The following TPO variants were observed in gnomAD, a reference collection of about 807,000 sequenced individuals.
The protein encoded by TPO is thyroid microsomal antigen.
In TPO, 78 loss-of-function variants were observed where a neutral mutation model predicts 96.9. The observed-to-expected ratio is 0.81, with a 90% CI of 0.67 to 0.97. The LOEUF (loss-of-function observed/expected upper bound fraction) is 0.97. Ranked by LOEUF, TPO falls within the 50% of genes least tolerant of loss-of-function variation. The probability of loss-of-function intolerance (pLI) is 0.00; values close to 1 mark genes in which losing one functional copy is unlikely to be tolerated. For synonymous variants in TPO, 547 were observed against 538.0 expected (o/e 1.02, Z -0.23); for missense variants, 1,252 against 1,274.8 (o/e 0.98, Z 0.27).
At chr2:1,477,840 C>T in intron 8 of TPO, 1 of 985,432 alleles carries the variant, frequency 1.0e-6, no homozygotes, top group Non-Finnish European at 1.2e-6. Context: ...AAGGGTAACT[C>T]CGGAGCTGGC....
chr2:1,445,346 GGC>G (rs1666681385), intron 5 of TPO, among the ~76,000 whole-genome samples: 1 of 86,372 alleles, frequency 1.2e-5, no homozygotes, highest in Non-Finnish European at 2.4e-5. Flanking sequence ...TGCTGCAGGA[GGC>G]ACTGTGTTGG....
chr2:1,404,144 C>A (rs564169098), intron 1 of TPO, among the ~76,000 whole-genome samples: 1 of 152,194 alleles, frequency 6.6e-6, no homozygotes, highest in Non-Finnish European at 1.5e-5. Flanking sequence ...AGTGGAGGGG[C>A]TAAGAGACAC....
chr2:1,512,191 G>A (rs963090918), intron 14 of TPO, among the ~76,000 whole-genome samples: 2 of 152,040 alleles, frequency 1.3e-5, no homozygotes, highest in African/African-American at 2.4e-5. Flanking sequence ...CCGCCACCAC[G>A]CCCGGCTAAT....
intron 12 of TPO, among the ~76,000 whole-genome samples, 182 bp from the exon 13 acceptor site, chr2:1,496,413 C>T (rs534411462): frequency 2.0e-5 from 3 of 152,262 alleles, no homozygotes; most frequent in Admixed American, 6.5e-5. Flanking sequence ...AGGGAGCCCG[C>T]GGGGCCCGAT....
intron 13 of TPO, among the ~76,000 whole-genome samples, chr2:1,500,791 C>T (rs1212128489): frequency 3.3e-5 from 5 of 151,816 alleles, no homozygotes; most frequent in African/African-American, 1.2e-4. Flanking sequence ...ATGGTGAAAC[C>T]CCGTCTCTAC....
intron 14 of TPO, among the ~76,000 whole-genome samples, chr2:1,514,107 G>C (rs1674440624): frequency 6.6e-6 from 1 of 152,174 alleles, no homozygotes; most frequent in African/African-American, 2.4e-5. Context: ...TGGAGCCCCA[G>C]GGGAGCTGGC....
chr2:1,518,972 G>A (rs1674976519), intron 15 of TPO, among the ~76,000 whole-genome samples: 2 of 152,178 alleles, frequency 1.3e-5, no homozygotes, highest in African/African-American at 4.8e-5. Flanking sequence ...AGTATAGCTG[G>A]TGTTCCTCTA....
In TPO at chr2:1,478,962, G is replaced by A. The variant is rs72776235; in HGVS notation, c.1338+1358G>A. Among the ~76,000 whole-genome samples the A allele has an allele frequency of 5.2e-3, 789 of 152,334 alleles. 4 individuals are homozygous for A. The highest frequency in any genetic ancestry group is 0.01 in the Middle Eastern group (3 of 294). On this transcript the variant is annotated intron_variant, in intron 8 of 16. Transcript: ENST00000329066. ...ACATCCACACAGTAGCGCTTGGTGG[G>A]GAGCATCAGCCGGACGGAGGAGGCT... is the stretch of plus-strand genomic sequence containing the variant.
At chr2:1,447,186 C>A (rs909694474) in intron 5 of TPO, among the ~76,000 whole-genome samples, 1 of 152,192 alleles carries the variant, frequency 6.6e-6, no homozygotes, top group Non-Finnish European at 1.5e-5. Flanking sequence ...CTAGAACAGA[C>A]TTCTTAACTC....
chr2:1,479,792 C>CT (rs60629249), intron 8 of TPO, among the ~76,000 whole-genome samples: 51,069 of 150,224 alleles, frequency 0.34, 8,647 homozygotes, highest in Admixed American at 0.36. Flanking sequence ...CCTTCTTCTT[C>CT]TTTTTTTTTG....
At chr2:1,493,209 T>TGGGGGGGGGGG (rs3036079) in intron 10 of TPO, among the ~76,000 whole-genome samples, 1 of 17,532 alleles carries the variant, frequency 5.7e-5, no homozygotes, top group Non-Finnish European at 1.4e-4. Context: ...TGTGAGTGGG[T>TGGGGGGGGGGG]GGGGGGGGGG....
At chr2:1,404,988 G>A (rs902971041) in intron 1 of TPO, among the ~76,000 whole-genome samples, 1 of 151,356 alleles carries the variant, frequency 6.6e-6, no homozygotes, top group Non-Finnish European at 1.5e-5. Context: ...TTTATCCATC[G>A]ACCCATTCAC....
intron 10 of TPO, among the ~76,000 whole-genome samples, chr2:1,489,222 C>T (rs1671476741): frequency 1.3e-5 from 2 of 150,308 alleles, no homozygotes; most frequent in Admixed American, 6.6e-5. Context: ...CCAGCACACG[C>T]CTGCACATGC....
At chr2:1,389,367 A>G (rs540946047) in intron 1 of TPO, among the ~76,000 whole-genome samples, 2 of 152,166 alleles carry the variant, frequency 1.3e-5, no homozygotes, top group Non-Finnish European at 2.9e-5. Context: ...CTTCCTGGGC[A>G]AGTGTTTCCC....
intron 1 of TPO, among the ~76,000 whole-genome samples, chr2:1,408,403 G>A (rs865882681): frequency 1.6e-4 from 25 of 152,210 alleles, no homozygotes; most frequent in Non-Finnish European, 2.9e-4. Flanking sequence ...TTCACGTGGG[G>A]AGAGCATCCT....
intron 10 of TPO, among the ~76,000 whole-genome samples, chr2:1,488,951 C>G (rs1186264077): frequency 1.3e-5 from 2 of 152,208 alleles, no homozygotes; most frequent in African/African-American, 2.4e-5. Flanking sequence ...CACACTGTCC[C>G]CCTCACTCCC....
At chr2:1,468,033 CATGGA>C (rs1476256198) in intron 7 of TPO, among the ~76,000 whole-genome samples, 1 of 151,618 alleles carries the variant, frequency 6.6e-6, no homozygotes, top group Non-Finnish European at 1.5e-5. Context: ...TGTCCATTTG[CATGGA>C]ATGCCTTCTT....
In TPO at chr2:1,414,643, T is replaced by A. The variant is rs932651022; in HGVS notation, c.94+141T>A. Reference sequence around the variant, plus strand: ...CTTTGTTATGCTTAAGAAAAAAAAATTGTAATTCTTGATTTTAGAAGGATT... The same window carrying A: ...CTTTGTTATGCTTAAGAAAAAAAAAATGTAATTCTTGATTTTAGAAGGATT... On this transcript the variant is annotated intron_variant, in intron 2 of 16. Transcript: ENST00000329066. 8.1e-5 allele frequency: 57 copies of A among 702,466 alleles called. No homozygotes were observed. In the Middle Eastern group the frequency reaches 1.2e-3, roughly 15 times the overall value. The allele number at this position is 702,466 out of a possible 1,614,324, so 43.5% of individuals were successfully genotyped here.
At chr2:1,534,724 C>A (rs990058822) in intron 15 of TPO, among the ~76,000 whole-genome samples, 3 of 150,596 alleles carry the variant, frequency 2.0e-5, no homozygotes, top group African/African-American at 7.3e-5. Context: ...TCCTCAATTC[C>A]CTCTAGTGTG....
Sources: gnomAD v4.1 joint callset for allele counts (sites outside exome capture counted in the v4.1 genomes callset) on GRCh38, gnomAD v4.1.1 for gene constraint, MANE v1.5 for transcripts, NCBI Gene and HGNC (gene_info 2026-07-23, HGNC 2026-07-21) for gene names.